FBXL13: variants seen among roughly 807,000 people sequenced by gnomAD.
FBXL13 encodes F-box and leucine-rich repeat protein 13.
FBXL13 carries 67 observed loss-of-function variants against 83.6 expected under a neutral mutation model. That is an observed-to-expected ratio of 0.80 (90% CI 0.66 to 0.98). The LOEUF is 0.98. FBXL13 is among the 50% of genes least tolerant of loss of function. The pLI, the probability that FBXL13 is intolerant of heterozygous loss-of-function variation, is 0.00. For missense variants in FBXL13, 822 were observed against 866.5 expected, an observed-to-expected ratio of 0.95 and a Z score of 0.64; for synonymous variants, 272 against 299.5, an observed-to-expected ratio of 0.91 and a Z score of 0.95.
chr7:102,935,290 T>C (rs1820110009), intron 8 of FBXL13, among the ~76,000 whole-genome samples: 1 of 126,398 alleles, frequency 7.9e-6, no homozygotes, highest in Non-Finnish European at 1.6e-5. Flanking sequence ...CTCGCTCTGA[T>C]GCCCAGGCTG....
At chr7:102,932,018 ATTCATT>A in intron 8 of FBXL13, 85 bp from the exon 10 acceptor site, 61 of 1,256,754 alleles carry the variant, frequency 4.9e-5, no homozygotes, top group Non-Finnish European at 6.3e-5. Context: ...AATGCAATGT[ATTCATT>A]AGAAAACAAA....
intron 6 of FBXL13, among the ~76,000 whole-genome samples, chr7:103,011,839 T>A (rs561022228): frequency 6.6e-6 from 1 of 151,836 alleles, no homozygotes; most frequent in African/African-American, 2.4e-5. Context: ...CCAAGAAATA[T>A]GGGATTATGT....
At chr7:102,987,338 G>A (rs189944054) in intron 6 of FBXL13, among the ~76,000 whole-genome samples, 62 of 152,068 alleles carry the variant, frequency 4.1e-4, no homozygotes, top group Non-Finnish European at 7.2e-4. Flanking sequence ...ATATATTAGG[G>A]AGTATAATTC....
chr7:102,912,012 C>A (rs1051806883), intron 11 of FBXL13, among the ~76,000 whole-genome samples: 4 of 152,120 alleles, frequency 2.6e-5, no homozygotes, highest in African/African-American at 9.7e-5. Flanking sequence ...ATTCAAGAAC[C>A]CTGGGGGAGA....
At chr7:102,812,988 G>A (rs1481668010), downstream of FBXL13, among the ~76,000 whole-genome samples, 6 of 151,672 alleles carry the variant, frequency 4.0e-5, no homozygotes, top group South Asian at 4.2e-4. Context: ...GATTACAGGC[G>A]CCCACCACCA....
At chr7:102,879,369 T>C (rs1463214504) in intron 14 of FBXL13, among the ~76,000 whole-genome samples, 2 of 152,106 alleles carry the variant, frequency 1.3e-5, no homozygotes, top group African/African-American at 4.8e-5. Flanking sequence ...GTGGATGCGA[T>C]GCCTGTGTGC....
chr7:102,858,662 T>C (rs1176226550), intron 16 of FBXL13, among the ~76,000 whole-genome samples: 1 of 152,208 alleles, frequency 6.6e-6, no homozygotes, highest in Non-Finnish European at 1.5e-5. Context: ...TATTTGGTAA[T>C]AAAAGTAGTA....
At chr7:102,986,025 C>A (rs947058511) in intron 6 of FBXL13, among the ~76,000 whole-genome samples, 9 of 151,884 alleles carry the variant, frequency 5.9e-5, no homozygotes, top group East Asian at 1.9e-4. Context: ...ATGCCCCCCC[C>A]CCATCAATAC....
chr7:102,977,769 T>C (rs1169648154), intron 6 of FBXL13, among the ~76,000 whole-genome samples: 1 of 152,092 alleles, frequency 6.6e-6, no homozygotes, highest in Non-Finnish European at 1.5e-5. Context: ...TATGCAGCCA[T>C]AAAAAATGAT....
intron 8 of FBXL13, among the ~76,000 whole-genome samples, chr7:102,935,134 G>C (rs1269986250): frequency 6.6e-6 from 1 of 151,278 alleles, no homozygotes; most frequent in Non-Finnish European, 1.5e-5. Context: ...AGGACTGTGA[G>C]AGCACTCTGA....
intron 16 of FBXL13, among the ~76,000 whole-genome samples, chr7:102,867,632 C>G (rs1363086592): frequency 7.0e-6 from 1 of 142,756 alleles, no homozygotes; most frequent in Non-Finnish European, 1.5e-5. Context: ...TGTGGAGTCC[C>G]CAAGGAACTC....
At chr7:102,812,404 T>C (rs773240208), downstream of FBXL13, among the ~76,000 whole-genome samples, 19 of 152,222 alleles carry the variant, frequency 1.2e-4, no homozygotes, top group Non-Finnish European at 1.3e-4. Context: ...GAGATGTCTT[T>C]CTGAGACATT....
At chr7:102,908,332 T>C (rs943655966) in intron 11 of FBXL13, among the ~76,000 whole-genome samples, 5 of 152,370 alleles carry the variant, frequency 3.3e-5, no homozygotes, top group African/African-American at 1.2e-4. Flanking sequence ...CTTGAATTAA[T>C]TTGAATTTCC....
intron 17 of FBXL13, among the ~76,000 whole-genome samples, chr7:102,849,567 A>C (rs1804803571): frequency 6.6e-6 from 1 of 152,244 alleles, no homozygotes. Context: ...ACGAGAGAGC[A>C]TTCTTTATAA....
chr7:103,028,171 C>A (rs1462662637), intron 4 of FBXL13, among the ~76,000 whole-genome samples: 1 of 152,086 alleles, frequency 6.6e-6, no homozygotes, highest in Non-Finnish European at 1.5e-5. Context: ...CTCAGTATAA[C>A]CCCCAAGGTC....
intron 8 of FBXL13, among the ~76,000 whole-genome samples, chr7:102,946,923 G>A (rs756119330): frequency 4.6e-5 from 7 of 151,986 alleles, no homozygotes; most frequent in South Asian, 2.1e-4. Flanking sequence ...TGATCTGCTC[G>A]CCTCAGCCTC....
At position 102,835,602 on chromosome 7, in the gene FBXL13, T is replaced by TG. The variant is rs1364729073; in HGVS notation, c.1720-2629dup. 1.3e-3 allele frequency among the ~76,000 whole-genome samples: 137 copies of TG among 109,556 alleles called. 1 individual carries two copies. The highest frequency in any genetic ancestry group is 4.6e-3 in the African/African-American group (130 of 28,124). The allele number at this position is 109,556 out of a possible 152,430, so 71.9% of individuals were successfully genotyped here. On this transcript the variant is annotated intron_variant, in intron 17 of 19. Transcript: ENST00000313221. Reference sequence around the variant, plus strand: ...TATGTTGCAAGAAGTAAGGTGACATTGTTTTTTTTTTTTTTTTTTTTTTTT... The same window carrying TG: ...TATGTTGCAAGAAGTAAGGTGACATTGGTTTTTTTTTTTTTTTTTTTTTTTT...
chr7:102,988,897 C>T (rs1404141359), intron 6 of FBXL13: 1 of 152,178 alleles, frequency 6.6e-6, no homozygotes, highest in East Asian at 1.9e-4. Context: ...TAAAGAGAAA[C>T]CCCAGACACA....
At chr7:103,031,391 A>C (rs943116525) in intron 2 of FBXL13, 1 of 152,254 alleles carries the variant, frequency 6.6e-6, no homozygotes. Flanking sequence ...GTAGGAGCTC[A>C]ACAAATATAT....
Sources: gnomAD v4.1 joint callset for allele counts (sites outside exome capture counted in the v4.1 genomes callset) on GRCh38, gnomAD v4.1.1 for gene constraint, MANE v1.5 for transcripts, NCBI Gene and HGNC (gene_info 2026-07-23, HGNC 2026-07-21) for gene names.